Variants in BAZ2B observed in about 807,000 individuals in gnomAD.
BAZ2B encodes bromodomain adjacent to zinc finger domain 2B.
In BAZ2B, 91 loss-of-function variants were observed where a neutral mutation model predicts 246.0. That is an observed-to-expected ratio of 0.37 (90% confidence interval 0.31 to 0.44). The LOEUF is 0.44. Among genes scored for constraint, BAZ2B ranks in the 20% least tolerant of loss-of-function variants. The pLI, the probability that BAZ2B is intolerant of heterozygous loss-of-function variation, is 1.00. For missense variants in BAZ2B, 2,332 were observed against 2,533.7 expected (o/e 0.92, Z 1.71); for synonymous variants, 855 against 860.0 (o/e 0.99, Z 0.10).
At chr2:159,637,418 T>C in the BAZ2B span, among the ~76,000 whole-genome samples, 1 of 152,168 alleles carries the variant, frequency 6.6e-6, no homozygotes, top group Admixed American at 6.5e-5. Context: ...TGGCAGAACC[T>C]GCCATGGACT....
At chr2:159,512,537 C>T (rs917019400) in intron 2 of BAZ2B, among the ~76,000 whole-genome samples, 1 of 152,058 alleles carries the variant, frequency 6.6e-6, no homozygotes, top group African/African-American at 2.4e-5. Flanking sequence ...GAAATAAAGA[C>T]GGTCTCTAAG....
chr2:159,433,463 T>A, intron 8 of BAZ2B, 100 bp from the exon 9 acceptor site: 3 of 1,061,686 alleles, frequency 2.8e-6, no homozygotes, highest in African/African-American at 1.6e-5. Flanking sequence ...AGCTATTATA[T>A]CATATATAAA....
rs1469367005 is a variant in BAZ2B, at chr2:159,382,928, A to C, written c.3762-126T>G. On this transcript the variant is annotated intron_variant, in intron 24 of 36. Transcript: ENST00000392783. ...TTCTTTTGTGTTAAGCGATATACCA[A>C]TGTTAAAAAAAATTAGAATTAGGAA... 3.2e-6 allele frequency: 4 copies of C among 1,251,808 alleles called. No individual in the cohort carries two copies. The East Asian group carries it at 1.0e-4, about 31-fold the overall frequency. 77.5% of individuals were successfully genotyped at this position (1,251,808 alleles called of 1,614,324 possible). A position where few individuals can be genotyped will look rare whatever the true frequency, so the allele number is the denominator to read the frequency against.
chr2:159,315,707 A>G (rs190009686), downstream of BAZ2B, among the ~76,000 whole-genome samples: 450 of 152,330 alleles, frequency 3.0e-3, no homozygotes, highest in African/African-American at 9.9e-3. Context: ...ACCCCGACAC[A>G]ATGTGGAAAG....
At chr2:159,354,571 GA>G (rs1559080632) in intron 27 of BAZ2B, among the ~76,000 whole-genome samples, 1 of 152,046 alleles carries the variant, frequency 6.6e-6, no homozygotes, top group East Asian at 1.9e-4. Flanking sequence ...GGCTGGTCTC[GA>G]ACTCATGACC....
intron 5 of BAZ2B, among the ~76,000 whole-genome samples, chr2:159,447,356 C>T (rs1261516621): frequency 1.3e-5 from 2 of 152,142 alleles, no homozygotes; most frequent in African/African-American, 4.8e-5. Flanking sequence ...GTGAATTTCA[C>T]CTCAATTAAA....
rs1326752372 is a variant in BAZ2B at position 159,443,716 on chromosome 2, T to A, written c.696+3066A>T. 2.0e-5 allele frequency among the ~76,000 whole-genome samples: 3 copies of A among 152,178 alleles called. No individual in the cohort carries two copies. The East Asian group carries it at 5.8e-4, about 29-fold the overall frequency. Reference sequence around the variant, plus strand: ...ATAATGTTATTTCTGCTTAGTTGCCTTAGACACTACTATGGTACCTCAGAA... The same window carrying A: ...ATAATGTTATTTCTGCTTAGTTGCCATAGACACTACTATGGTACCTCAGAA... On this transcript the variant is annotated intron_variant, in intron 6 of 36. Coordinates refer to ENST00000392783, the MANE Select transcript of BAZ2B (RefSeq NM_013450.4).
rs763996775 is a variant in BAZ2B, at chr2:159,325,892, T to C, written c.5970A>G (p.Lys1990=). The C allele has an allele frequency of 3.8e-6, 6 of 1,588,742 alleles. No individual in the cohort carries two copies. The highest frequency in any genetic ancestry group is 4.3e-6 in the Non-Finnish European group (5 of 1,173,824). ...TCTTTTTTCCTTTGACATGAAGTTTTTTGATTTTTAGAGTTTGACCACTTG... is the reference window on the plus strand; with the variant it reads ...TCTTTTTTCCTTTGACATGAAGTTTCTTGATTTTTAGAGTTTGACCACTTG... ...AKASGQTLKI[K]KLHVKGKKTN... is the part of the protein sequence containing the mutation. The change falls in exon 35 of 37, where the codon AAA becomes AAG. Residue 1990 remains lysine, a synonymous_variant. Transcript: ENST00000392783.
intron 27 of BAZ2B, among the ~76,000 whole-genome samples, chr2:159,364,188 G>A (rs979072300): frequency 5.9e-5 from 9 of 152,140 alleles, no homozygotes; most frequent in Non-Finnish European, 1.2e-4. Context: ...CAATATTTAC[G>A]GGTTTGCTAG....
intron 27 of BAZ2B, among the ~76,000 whole-genome samples, chr2:159,361,385 TC>T (rs1363017668): frequency 2.0e-5 from 3 of 152,004 alleles, no homozygotes; most frequent in Non-Finnish European, 2.9e-5. Context: ...GAAATGCAAA[TC>T]AAAACCACAA....
At chr2:159,656,363 G>A in the BAZ2B span, among the ~76,000 whole-genome samples, 1 of 152,056 alleles carries the variant, frequency 6.6e-6, no homozygotes. Context: ...AGATTACATT[G>A]GGGGTATGTT....
intron 2 of BAZ2B, 43 bp from the exon 3 acceptor site, chr2:159,478,764 A>T (rs758185967): frequency 1.1e-5 from 15 of 1,387,768 alleles, no homozygotes; most frequent in Non-Finnish European, 1.4e-5. Flanking sequence ...CAGATAAAAA[A>T]TTTTTTCAAA....
chr2:159,447,086 G>T (rs2074360971), intron 5 of BAZ2B, 111 bp from the exon 6 acceptor site: 2 of 751,578 alleles, frequency 2.7e-6, no homozygotes, highest in Non-Finnish European at 3.9e-6. Context: ...ATAAGTGAAA[G>T]AAGACAGAAA....
the BAZ2B span, among the ~76,000 whole-genome samples, chr2:159,624,784 A>T: frequency 1.3e-5 from 2 of 152,170 alleles, no homozygotes; most frequent in Non-Finnish European, 2.9e-5. Context: ...CCTCCAAAGG[A>T]TCATAACTCC....
intron 2 of BAZ2B, among the ~76,000 whole-genome samples, chr2:159,523,210 CTGGG>C (rs2084331241): frequency 2.0e-5 from 3 of 151,966 alleles, no homozygotes; most frequent in Non-Finnish European, 4.4e-5. Context: ...CTAGGCCAGC[CTGGG>C]TAATAGTGAG....
At chr2:159,655,381 G>GTATC in the BAZ2B span, among the ~76,000 whole-genome samples, 1 of 152,278 alleles carries the variant, frequency 6.6e-6, no homozygotes, top group Non-Finnish European at 1.5e-5. Flanking sequence ...ATATGCCATT[G>GTATC]TATCGTCTTC....
At chr2:159,638,621 CAG>C in the BAZ2B span, among the ~76,000 whole-genome samples, 26 of 151,824 alleles carry the variant, frequency 1.7e-4, no homozygotes, top group African/African-American at 6.3e-4. Context: ...AAGAATGCAT[CAG>C]AGTTTTTTAA....
chr2:159,569,197 A>G (rs1277955807), intron 1 of BAZ2B, among the ~76,000 whole-genome samples: 11 of 152,208 alleles, frequency 7.2e-5, no homozygotes, highest in Admixed American at 5.9e-4. Context: ...AATGAAAAAT[A>G]GATTATTGTT....
At chr2:159,386,742 T>A in intron 21 of BAZ2B, 135 bp from the exon 22 acceptor site, 4 of 1,027,604 alleles carry the variant, frequency 3.9e-6, no homozygotes, top group East Asian at 5.2e-5. Context: ...TCCTTTGGGA[T>A]GCTAAATTCT....
Sources: allele counts gnomAD v4.1 joint callset (sites outside exome capture counted in the v4.1 genomes callset), GRCh38; gene constraint gnomAD v4.1.1; transcripts MANE v1.5; gene names NCBI Gene and HGNC (gene_info 2026-07-23, HGNC 2026-07-21).